Variants in ITPK1 observed in about 807,000 individuals in gnomAD.
ITPK1 encodes inositol 1,3,4-trisphosphate 5/6-kinase.
ITPK1 carries 21 observed loss-of-function variants against 45.3 expected under a neutral mutation model. That is an observed-to-expected ratio of 0.46 (90% CI 0.33 to 0.67). The LOEUF is 0.67. Ranked by LOEUF, ITPK1 falls within the 30% of genes least tolerant of loss-of-function variation. ITPK1 has a pLI of 0.02. For missense variants in ITPK1, 474 were observed against 573.5 expected, an observed-to-expected ratio of 0.83 and a Z score of 1.77; for synonymous variants, 258 against 253.6, an observed-to-expected ratio of 1.02 and a Z score of -0.16.
intron 3 of ITPK1, among the ~76,000 whole-genome samples, chr14:93,052,061 G>A (rs777566976): frequency 5.9e-5 from 9 of 152,354 alleles, no homozygotes; most frequent in Middle Eastern, 6.8e-3. Flanking sequence ...CGTGGTGGAA[G>A]GGGAATAAGA....
At chr14:92,988,333 C>T (rs550131714) in intron 5 of ITPK1, among the ~76,000 whole-genome samples, 7 of 152,298 alleles carry the variant, frequency 4.6e-5, no homozygotes, top group African/African-American at 1.4e-4. Flanking sequence ...CTGAGACGCC[C>T]ACTCAGCACG....
intron 5 of ITPK1, among the ~76,000 whole-genome samples, chr14:92,984,457 T>C (rs1310896508): frequency 6.6e-6 from 1 of 152,248 alleles, no homozygotes; most frequent in Non-Finnish European, 1.5e-5. Flanking sequence ...GAGATGTGTC[T>C]CATAATTGAT....
intron 2 of ITPK1, among the ~76,000 whole-genome samples, chr14:93,083,920 C>T (rs756545232): frequency 6.6e-6 from 1 of 152,224 alleles, no homozygotes; most frequent in Non-Finnish European, 1.5e-5. Flanking sequence ...ATTGCACTGA[C>T]CCCACCAGGC....
chr14:92,986,648 T>A (rs912417442), intron 5 of ITPK1, among the ~76,000 whole-genome samples: 1 of 152,146 alleles, frequency 6.6e-6, no homozygotes, highest in Non-Finnish European at 1.5e-5. Context: ...CAGAAGCCAC[T>A]GAGCTGGAGG....
chr14:92,968,897 G>GA (rs1885509975), intron 5 of ITPK1, among the ~76,000 whole-genome samples: 1 of 152,144 alleles, frequency 6.6e-6, no homozygotes, highest in Non-Finnish European at 1.5e-5. Flanking sequence ...CCAAGCTTGG[G>GA]CACCAGCCTT....
intron 9 of ITPK1, among the ~76,000 whole-genome samples, chr14:92,949,186 C>T (rs1434147947): frequency 4.6e-5 from 7 of 152,170 alleles, no homozygotes; most frequent in East Asian, 3.9e-4. Flanking sequence ...CTCGACCTTC[C>T]GGGCTCAAAT....
In ITPK1 at chr14:92,946,364, G is replaced by T; in HGVS notation, c.868C>A (p.Gln290Lys). ...GCATTGATGTCAATGACGGCGTGCT[G>T]CCCTGTCTGGTTGTTGATGATGATG... ...IDIIINNQTG[Q>K]HAVIDINAFP... Residue 290 changes from glutamine (Q) to lysine (K), a missense_variant, in exon 10 of 11, where the codon CAG (glutamine) becomes AAG (lysine). Transcript: ENST00000267615. 6.2e-7 allele frequency: 1 copy of T among 1,613,430 alleles called. No individual in the cohort carries two copies. Among genetic ancestry groups the T allele is most frequent in the Non-Finnish European group, 8.5e-7 (1 of 1,180,002 alleles).
At chr14:93,056,509 G>C (rs1212670649) in intron 3 of ITPK1, among the ~76,000 whole-genome samples, 1 of 152,218 alleles carries the variant, frequency 6.6e-6, no homozygotes, top group African/African-American at 2.4e-5. Flanking sequence ...TAGGGAAGCA[G>C]AATTAGGAGA....
Position 92,993,900 on chromosome 14 carries a change from T to C in ITPK1, c.344A>G (p.Lys115Arg). ...DRSKSYELIRKIEAYMEDDRI... is the reference protein window; with the variant it reads ...DRSKSYELIRRIEAYMEDDRI... ...CCTACCTTCCATGTAGGCCTCAATCTTCCGGATGAGCTCATAGGACTTGGA... is the reference window on the plus strand; with the variant it reads ...CCTACCTTCCATGTAGGCCTCAATCCTCCGGATGAGCTCATAGGACTTGGA... Residue 115 changes from lysine to arginine, a missense_variant, in exon 5 of 11, where the codon AAG (lysine) becomes AGG (arginine). Around this residue, in one of 2 missense-constraint regions of ITPK1, gnomAD observed 367 missense variants for 480.6 expected, o/e 0.76. Coordinates refer to ENST00000267615, the MANE Select transcript of ITPK1 (RefSeq NM_014216.6). The C allele has an allele frequency of 6.2e-7, 1 of 1,611,506 alleles. No individual in the cohort carries two copies. The highest frequency in any genetic ancestry group is 8.5e-7 in the Non-Finnish European group (1 of 1,177,614).
intron 5 of ITPK1, among the ~76,000 whole-genome samples, chr14:92,967,993 T>C (rs1885464940): frequency 1.3e-5 from 2 of 152,150 alleles, no homozygotes; most frequent in Admixed American, 1.3e-4. Flanking sequence ...CCGCACAATT[T>C]TGTGAATATA....
At chr14:92,984,626 T>G (rs565289647) in intron 5 of ITPK1, among the ~76,000 whole-genome samples, 1 of 152,210 alleles carries the variant, frequency 6.6e-6, no homozygotes, top group Non-Finnish European at 1.5e-5. Flanking sequence ...AAACATGTAA[T>G]CCTGATTCTC....
chr14:93,088,779 G>A (rs1234704083), intron 2 of ITPK1, among the ~76,000 whole-genome samples: 1 of 152,070 alleles, frequency 6.6e-6, no homozygotes, highest in East Asian at 1.9e-4. Flanking sequence ...TTACAGATGT[G>A]AGCCACCGCG....
At chr14:93,038,688 C>T (rs1038362963) in intron 3 of ITPK1, among the ~76,000 whole-genome samples, 6 of 152,052 alleles carry the variant, frequency 3.9e-5, no homozygotes, top group South Asian at 4.1e-4. Context: ...CCACCACACC[C>T]GGCTAATTTT....
At chr14:93,103,523 C>T (rs1432355551) in intron 2 of ITPK1, among the ~76,000 whole-genome samples, 1 of 152,168 alleles carries the variant, frequency 6.6e-6, no homozygotes, top group African/African-American at 2.4e-5. Context: ...GACAACTGCC[C>T]TGAAGCTCTC....
intron 5 of ITPK1, among the ~76,000 whole-genome samples, chr14:92,984,324 G>A (rs1311964157): frequency 1.3e-5 from 2 of 152,208 alleles, no homozygotes; most frequent in Non-Finnish European, 2.9e-5. Context: ...GAGTGCAACA[G>A]TCTCTCAAGA....
intron 10 of ITPK1, among the ~76,000 whole-genome samples, chr14:92,943,848 C>T (rs941795994): frequency 8.5e-5 from 13 of 152,216 alleles, no homozygotes; most frequent in Admixed American, 1.3e-4. Context: ...GAGACTTAAA[C>T]GTTAGGTGGC....
In ITPK1 at chr14:92,958,265, C is replaced by T. The variant is rs1224343637; in HGVS notation, c.606G>A (p.Val202=). Reference sequence around the variant, plus strand: ...GGACCACGGTGTAGGACTCGCCAACCACGAACACCTTGTACAGGACGGCGT... The same window carrying T: ...GGACCACGGTGTAGGACTCGCCAACTACGAACACCTTGTACAGGACGGCGT... ...NHNAVLYKVF[V]VGESYTVVQR... Residue 202 remains valine (V), a synonymous_variant, in exon 8 of 11, where the codon GTG becomes GTA. Coordinates refer to ENST00000267615, the MANE Select transcript of ITPK1 (RefSeq NM_014216.6). This position sits in a 1 kb window ranked among gnomAD's most constrained non-coding sequence, Gnocchi z 4.4. 6.2e-7 allele frequency: 1 copy of T among 1,614,182 alleles called. No individual in the cohort carries two copies. The highest frequency in any genetic ancestry group is 8.5e-7 in the Non-Finnish European group (1 of 1,180,024).
At chr14:93,086,596 A>ACATG (rs143435699) in intron 2 of ITPK1, among the ~76,000 whole-genome samples, 2,980 of 152,338 alleles carry the variant, frequency 0.02, 106 homozygotes, top group African/African-American at 0.066. Context: ...CCAGTGGGCT[A>ACATG]CATGCCATGC....
chr14:93,056,946 C>T (rs532192160), intron 3 of ITPK1, among the ~76,000 whole-genome samples: 58 of 152,320 alleles, frequency 3.8e-4, no homozygotes, highest in African/African-American at 1.2e-3. Context: ...AAAAACAGGC[C>T]CTGCTGGGAA....
Sources: allele counts gnomAD v4.1 joint callset (sites outside exome capture counted in the v4.1 genomes callset), GRCh38; gene constraint gnomAD v4.1.1; regional missense constraint gnomAD v4.1.1; non-coding constraint Gnocchi (gnomAD v3.1); transcripts MANE v1.5; gene names NCBI Gene and HGNC (gene_info 2026-07-23, HGNC 2026-07-21).